The following MYRFL variants were observed in gnomAD, a reference collection of about 807,000 sequenced individuals.
MYRFL encodes myelin regulatory factor-like protein.
Under a neutral mutation model 109.4 loss-of-function variants are expected in MYRFL, and 88 were observed. That is an observed-to-expected ratio of 0.80 (90% CI 0.68 to 0.96). The LOEUF is 0.96. Among genes scored for constraint, MYRFL ranks in the 40% least tolerant of loss-of-function variants. The pLI is 0.00. For synonymous variants in MYRFL, 324 were observed against 320.9 expected (o/e 1.01, Z -0.10); for missense variants, 957 against 954.9 (o/e 1.00, Z -0.03).
At chr12:69,936,676 G>C in intron 19 of MYRFL, 44 bp downstream of exon 19, 1 of 1,427,340 alleles carries the variant, frequency 7.0e-7, no homozygotes, top group Non-Finnish European at 9.2e-7. Flanking sequence ...TTGAACTTGA[G>C]GTTGTTTTTC....
chr12:69,842,071 C>G lies in MYRFL; in HGVS notation c.47-13209C>G, dbSNP rs560536205. Among the ~76,000 whole-genome samples the G allele has an allele frequency of 1.6e-4, 24 of 152,278 alleles. 1 individual carries two copies. Among genetic ancestry groups the G allele is most frequent in the African/African-American group, 5.8e-4 (24 of 41,566 alleles). On this transcript the variant is annotated intron_variant, in intron 1 of 24. Transcript: ENST00000552032. ...GTAAGCCCTAGCCTGACTATAGAAC[C>G]AGAATCCTTAACTACTATTGCTTCT...
At position 69,886,827 on chromosome 12, in the gene MYRFL, T is replaced by C. The variant is rs1169820232; in HGVS notation, c.564T>C (p.Ser188=). The change falls in exon 6 of 25, where the codon AGT becomes AGC. Residue 188 remains serine (S), a synonymous_variant. Coordinates refer to ENST00000552032, the MANE Select transcript of MYRFL (RefSeq NM_182530.3). ...GCACCTGTTTCTTTGCAGTGACAAG[T>C]AGGAGTCGCAGCAGTGAAGTCCAGG... ...VWACHCRPMT[S]RSRSSEVQDP... The C allele has an allele frequency of 2.0e-6, 3 of 1,535,846 alleles. No individual in the cohort carries two copies. Among genetic ancestry groups the C allele is most frequent in the Non-Finnish European group, 2.6e-6 (3 of 1,146,708 alleles).
intron 1 of MYRFL, among the ~76,000 whole-genome samples, chr12:69,841,524 T>A (rs1883240932): frequency 6.6e-6 from 1 of 152,204 alleles, no homozygotes; most frequent in Non-Finnish European, 1.5e-5. Context: ...ATGTTAAATA[T>A]GAAGTTGGAA....
chr12:69,928,273 G>A (rs1347953411), intron 15 of MYRFL, among the ~76,000 whole-genome samples: 1 of 152,218 alleles, frequency 6.6e-6, no homozygotes, highest in African/African-American at 2.4e-5. Flanking sequence ...TATAGTTAAA[G>A]CGAAGGTTAA....
rs548635150 is a variant in MYRFL at position 69,954,991 on chromosome 12, T to C, written c.2376-372T>C. Among the ~76,000 whole-genome samples, 4 of 152,296 alleles carry C rather than the reference T, an allele frequency of 2.6e-5. No homozygotes were observed. The South Asian group carries it at 8.3e-4, about 32-fold the overall frequency. Reference sequence around the variant, plus strand: ...GTATTTATTATTCTAGGGGCATTATTAGTTTGGGGCTTTGCCTCATTTGTC... The same window carrying C: ...GTATTTATTATTCTAGGGGCATTATCAGTTTGGGGCTTTGCCTCATTTGTC... On this transcript the variant is annotated intron_variant, in intron 21 of 24. Transcript: ENST00000552032.
At chr12:69,861,247 C>A (rs996098039) in intron 2 of MYRFL, among the ~76,000 whole-genome samples, 18 of 151,932 alleles carry the variant, frequency 1.2e-4, no homozygotes, top group Non-Finnish European at 2.5e-4. Flanking sequence ...ATTTATAGTC[C>A]TTTGGGTATA....
At position 69,903,644 on chromosome 12, in the gene MYRFL, G is replaced by A. The variant is rs1954259891; in HGVS notation, c.1183G>A (p.Ala395Thr). 6.5e-7 allele frequency: 1 copy of A among 1,535,336 alleles called. No homozygotes were observed. Among genetic ancestry groups the A allele is most frequent in the South Asian group, 1.2e-5 (1 of 83,944 alleles). ...GTAATATATTTATGTATTTTTCCAG[G>A]CCTCTAACCCTGGGCAGTTTGAAAA... Reference protein sequence around the residue: ...AHISERIIVRASNPGQFENDS... With the variant: ...AHISERIIVRTSNPGQFENDS... The change falls in exon 11 of 25, where the codon GCC becomes ACC. Residue 395 changes from alanine (A) to threonine (T), a missense_variant and splice_region_variant. Physicochemically the swap from Ala to Thr is moderately conservative, Grantham distance 58. Coordinates refer to ENST00000552032, the MANE Select transcript of MYRFL (RefSeq NM_182530.3).
At chr12:69,946,329 GTT>G (rs1955839685) in intron 19 of MYRFL, among the ~76,000 whole-genome samples, 1 of 152,062 alleles carries the variant, frequency 6.6e-6, no homozygotes, top group African/African-American at 2.4e-5. Context: ...TGGGAAAGTT[GTT>G]ATCTCTTCCT....
chr12:69,891,719 G>C (rs1886923251), intron 7 of MYRFL, among the ~76,000 whole-genome samples: 1 of 53,842 alleles, frequency 1.9e-5, no homozygotes, highest in African/African-American at 5.3e-5. Flanking sequence ...TTTTCTTTGA[G>C]ACATGGTCTT....
chr12:69,830,701 C>T (rs1460850191), intron 1 of MYRFL, among the ~76,000 whole-genome samples: 1 of 152,104 alleles, frequency 6.6e-6, no homozygotes, highest in East Asian at 1.9e-4. Flanking sequence ...TAAGAAATAC[C>T]TTTCTTCTTT....
chr12:69,849,144 T>C (rs932528090), intron 1 of MYRFL, among the ~76,000 whole-genome samples: 11 of 152,258 alleles, frequency 7.2e-5, no homozygotes, highest in Admixed American at 7.2e-4. Flanking sequence ...AGTGCTGGAA[T>C]TACAGGCGCG....
intron 16 of MYRFL, among the ~76,000 whole-genome samples, chr12:69,935,432 G>A (rs907944667): frequency 1.3e-5 from 2 of 152,172 alleles, no homozygotes; most frequent in East Asian, 1.9e-4. Context: ...GGATGCATGA[G>A]GATTGTTGGG....
rs967020735 is a variant in MYRFL at position 69,957,798 on chromosome 12, C to T, written c.2451-24C>T. ...GCTGGTAACTGCTTTTTCAGGTGCT[C>T]TTTCTTTTCTTTGTCTCTTGAAGCA... On this transcript the variant is annotated intron_variant, in intron 22 of 24. Transcript: ENST00000552032. The T allele has an allele frequency of 3.3e-6, 5 of 1,506,536 alleles. No homozygotes were observed. In the Admixed American group the frequency reaches 8.1e-5, roughly 24 times the overall value. 93.3% of individuals were successfully genotyped at this position (1,506,536 alleles called of 1,614,324 possible).
intron 10 of MYRFL, among the ~76,000 whole-genome samples, chr12:69,897,846 C>T (rs1954049247): frequency 1.3e-5 from 2 of 152,192 alleles, no homozygotes; most frequent in African/African-American, 4.8e-5. Context: ...GGGCTACTGT[C>T]TAGCACATGG....
chr12:69,917,383 C>CTTTTTTTTTTTTTTTTTTTTT (rs56118035), intron 13 of MYRFL, among the ~76,000 whole-genome samples: 1 of 102,514 alleles, frequency 9.8e-6, no homozygotes. Flanking sequence ...TATTCACTGA[C>CTTTTTTTTTTTTTTTTTTTTT]TTTTTTTTTT....
In MYRFL at chr12:69,947,963, C is replaced by T. The variant is rs73324216; in HGVS notation, c.2225-4150C>T. Among the ~76,000 whole-genome samples, 362 of 152,274 alleles carry T rather than the reference C, an allele frequency of 2.4e-3. 3 individuals carry two copies. Among genetic ancestry groups the T allele is most frequent in the African/African-American group, 8.4e-3 (350 of 41,558 alleles). The stretch of plus-strand genomic sequence containing the variant: ...GGGCACCATCCTAAATCTTTACTCT[C>T]CAGAAGTTTCTAATTTAGTTTGTTG... On this transcript the variant is annotated intron_variant, in intron 19 of 24. Transcript: ENST00000552032.
chr12:69,892,065 A>C (rs548113669), intron 7 of MYRFL, among the ~76,000 whole-genome samples: 5 of 152,312 alleles, frequency 3.3e-5, no homozygotes, highest in African/African-American at 1.2e-4. Context: ...TACTCTTGCA[A>C]TTCTTTTACT....
At chr12:69,930,062 T>C (rs1955221551) in intron 15 of MYRFL, among the ~76,000 whole-genome samples, 1 of 152,208 alleles carries the variant, frequency 6.6e-6, no homozygotes, top group Non-Finnish European at 1.5e-5. Context: ...GCTGACCTGC[T>C]AACAGATCTG....
At position 69,880,262 on chromosome 12, in the gene MYRFL, TGCCGAGTGTGG is replaced by T; in HGVS notation, c.530_540del (p.Arg177LeufsTer9). 1 of 702,662 alleles carries T rather than the reference TGCCGAGTGTGG, an allele frequency of 1.4e-6. No homozygotes were observed. The highest frequency in any genetic ancestry group is 1.5e-5 in the South Asian group (1 of 67,558). The allele number at this position is 702,662 out of a possible 1,614,324, so 43.5% of individuals were successfully genotyped here. A position where few individuals can be genotyped will look rare whatever the true frequency, so the allele number is the denominator to read the frequency against. On this transcript the variant is annotated frameshift_variant, in exon 5 of 25. Coordinates refer to ENST00000552032, the MANE Select transcript of MYRFL (RefSeq NM_182530.3). LOFTEE classifies it high-confidence loss of function. ...GCAGGCACTGGAGGACTCCGGGGAA[TGCCGAGTGTGG>T]GCCTGCCACTGCAGACCGAGTGAGC...
Sources: gnomAD v4.1 joint callset for allele counts (sites outside exome capture counted in the v4.1 genomes callset) on GRCh38, gnomAD v4.1.1 for gene constraint, MANE v1.5 for transcripts, NCBI Gene and HGNC (gene_info 2026-07-23, HGNC 2026-07-21) for gene names.